The following MOB3B variants were observed in gnomAD, a reference collection of about 807,000 sequenced individuals.
MOB3B encodes MOB kinase activator 3B.
In MOB3B, 7 loss-of-function variants were observed where a neutral mutation model predicts 18.7. The ratio of observed to expected loss-of-function variants is 0.37; its 90% CI spans 0.21 to 0.70. The LOEUF (loss-of-function observed/expected upper bound fraction) is 0.70, where lower values mean the gene tolerates loss of function less well. MOB3B is among the 30% of genes least tolerant of loss of function. The pLI is 0.52. For synonymous variants in MOB3B, 111 were observed against 99.9 expected (o/e 1.11, Z -0.66); for missense variants, 253 against 281.3 (o/e 0.90, Z 0.72).
chr9:27,358,724 T>G, intron 3 of MOB3B: 1 of 512,614 alleles, frequency 2.0e-6, no homozygotes, highest in Non-Finnish European at 3.7e-6. Flanking sequence ...AAGATGCCCA[T>G]TTAAGGAATT....
chr9:27,392,772 T>C (rs1821744690), intron 2 of MOB3B, among the ~76,000 whole-genome samples: 1 of 152,208 alleles, frequency 6.6e-6, no homozygotes, highest in Non-Finnish European at 1.5e-5. Context: ...AGCTGTGTGA[T>C]TTGGGCATCA....
chr9:27,373,798 G>C (rs1821454084), intron 2 of MOB3B, among the ~76,000 whole-genome samples: 1 of 152,218 alleles, frequency 6.6e-6, no homozygotes, highest in African/African-American at 2.4e-5. Context: ...AAACTCTGCA[G>C]TTGTTTTCCC....
chr9:27,503,007 A>G (rs899177172), intron 1 of MOB3B, among the ~76,000 whole-genome samples: 1 of 152,192 alleles, frequency 6.6e-6, no homozygotes, highest in African/African-American at 2.4e-5. Flanking sequence ...TGGGGGAAAG[A>G]GGTAGTTTCC....
intron 1 of MOB3B, among the ~76,000 whole-genome samples, chr9:27,486,381 T>C (rs1227572975): frequency 6.6e-6 from 1 of 152,138 alleles, no homozygotes; most frequent in Admixed American, 6.5e-5. Flanking sequence ...GAACAAGAAA[T>C]CCAAACAATT....
At chr9:27,361,340 G>A (rs376719058) in intron 2 of MOB3B, among the ~76,000 whole-genome samples, 2 of 152,112 alleles carry the variant, frequency 1.3e-5, no homozygotes, top group Non-Finnish European at 1.5e-5. Context: ...GGAACCACTC[G>A]ATTGTCAAGC....
chr9:27,367,008 G>GGAGC (rs1821351713), intron 2 of MOB3B, among the ~76,000 whole-genome samples: 1 of 152,226 alleles, frequency 6.6e-6, no homozygotes, highest in Non-Finnish European at 1.5e-5. Flanking sequence ...CTTCAGGTCT[G>GGAGC]TTACCTGCTC....
At position 27,444,821 on chromosome 9, in the gene MOB3B, A is replaced by G. The variant is rs559850217; in HGVS notation, c.418+10312T>C. 7.4e-4 allele frequency among the ~76,000 whole-genome samples: 112 copies of G among 152,344 alleles called. 1 individual carries two copies. Among genetic ancestry groups the G allele is most frequent in the Middle Eastern group, 6.8e-3 (2 of 294 alleles). ...CAGGACTGCTGTGAGGATTAGAAAA[A>G]ATATAATAAAAGACCTAGCATATTG... On this transcript the variant is annotated intron_variant, in intron 2 of 3. Coordinates refer to ENST00000262244, the MANE Select transcript of MOB3B (RefSeq NM_024761.5).
intron 1 of MOB3B, among the ~76,000 whole-genome samples, chr9:27,485,107 A>G (rs1819715086): frequency 6.6e-6 from 1 of 152,208 alleles, no homozygotes; most frequent in African/African-American, 2.4e-5. Flanking sequence ...TCCAGTCCAT[A>G]TATTGATAAT....
chr9:27,341,614 A>G (rs994265945), intron 3 of MOB3B, among the ~76,000 whole-genome samples: 6 of 152,164 alleles, frequency 3.9e-5, no homozygotes, highest in African/African-American at 9.7e-5. Flanking sequence ...ACTACCACCT[A>G]TTGAAACATG....
intron 1 of MOB3B, among the ~76,000 whole-genome samples, chr9:27,482,351 C>G (rs1361765738): frequency 1.3e-5 from 2 of 152,158 alleles, no homozygotes; most frequent in Admixed American, 6.5e-5. Flanking sequence ...CTGCTTACAC[C>G]AAGTCTCCTT....
At chr9:27,407,615 G>C (rs1225671885) in intron 2 of MOB3B, among the ~76,000 whole-genome samples, 4 of 152,122 alleles carry the variant, frequency 2.6e-5, no homozygotes, top group South Asian at 2.1e-4. Flanking sequence ...GGTAGGAAAG[G>C]AAGTCCTGGG....
intron 2 of MOB3B, among the ~76,000 whole-genome samples, chr9:27,359,886 C>T (rs771752349): frequency 6.6e-6 from 1 of 152,196 alleles, no homozygotes; most frequent in Non-Finnish European, 1.5e-5. Flanking sequence ...CGCAAGCCCA[C>T]GTCCTTTCTC....
intron 2 of MOB3B, among the ~76,000 whole-genome samples, chr9:27,447,937 G>C (rs948345707): frequency 6.6e-6 from 1 of 152,122 alleles, no homozygotes; most frequent in African/African-American, 2.4e-5. Context: ...TTCTTTAAAG[G>C]AACAGAATCT....
intron 2 of MOB3B, among the ~76,000 whole-genome samples, chr9:27,424,817 T>C (rs115523883): frequency 0.01 from 1,524 of 152,256 alleles, 28 homozygotes; most frequent in African/African-American, 0.036. Context: ...AAGAGTTATG[T>C]TGGTGCATCA....
intron 2 of MOB3B, among the ~76,000 whole-genome samples, chr9:27,381,116 G>A (rs1176889240): frequency 6.6e-6 from 1 of 152,114 alleles, no homozygotes; most frequent in Non-Finnish European, 1.5e-5. Context: ...CTGCAGGCAT[G>A]GAGGTGCTGC....
chr9:27,489,529 G>C (rs930389784), intron 1 of MOB3B, among the ~76,000 whole-genome samples: 26 of 152,176 alleles, frequency 1.7e-4, no homozygotes, highest in African/African-American at 6.3e-4. Flanking sequence ...TATGGAAAGA[G>C]AGAAAGGCTA....
At chr9:27,500,689 C>T (rs1472126682) in intron 1 of MOB3B, among the ~76,000 whole-genome samples, 3 of 152,104 alleles carry the variant, frequency 2.0e-5, no homozygotes. Context: ...TAGGCATGGG[C>T]AAGGACTTCA....
intron 3 of MOB3B, among the ~76,000 whole-genome samples, chr9:27,350,236 A>C (rs968253439): frequency 3.2e-5 from 4 of 125,896 alleles, no homozygotes; most frequent in African/African-American, 1.1e-4. Context: ...AGTATATACC[A>C]AAAAAAAAAA....
intron 1 of MOB3B, among the ~76,000 whole-genome samples, chr9:27,516,633 G>A (rs991909839): frequency 1.3e-5 from 2 of 152,090 alleles, no homozygotes; most frequent in Non-Finnish European, 2.9e-5. Flanking sequence ...GAAAAAAACA[G>A]AAAAAACTAA....
Sources: allele counts gnomAD v4.1 joint callset (sites outside exome capture counted in the v4.1 genomes callset), GRCh38; gene constraint gnomAD v4.1.1; transcripts MANE v1.5; gene names NCBI Gene and HGNC (gene_info 2026-07-23, HGNC 2026-07-21).